Variants in FBXL17 observed in about 807,000 individuals in gnomAD.
FBXL17 encodes the protein F-box and leucine rich repeat protein 17, also known as F-box/LRR-repeat protein 17.
In FBXL17, 22 loss-of-function variants were observed where a neutral mutation model predicts 66.2. The observed-to-expected ratio is 0.33, with a 90% CI of 0.24 to 0.47. The LOEUF (loss-of-function observed/expected upper bound fraction) is 0.47, where lower values mean the gene tolerates loss of function less well. FBXL17 is among the 20% of genes least tolerant of loss of function. The probability of loss-of-function intolerance (pLI) is 1.00; values close to 1 mark genes in which losing one functional copy is unlikely to be tolerated. For missense variants in FBXL17, 878 were observed against 948.2 expected (o/e 0.93, Z 0.97); for synonymous variants, 474 against 400.5 (o/e 1.18, Z -2.19).
intron 5 of FBXL17, among the ~76,000 whole-genome samples, chr5:108,216,972 T>C (rs1245143325): frequency 6.6e-6 from 1 of 152,180 alleles, no homozygotes; most frequent in African/African-American, 2.4e-5. Flanking sequence ...AAGTTTCTTC[T>C]CCTTTTGTGG....
intron 4 of FBXL17, among the ~76,000 whole-genome samples, chr5:108,224,608 T>A (rs549731716): frequency 2.0e-5 from 3 of 152,166 alleles, no homozygotes; most frequent in Admixed American, 2.0e-4. Context: ...TTTTGTTTTG[T>A]TTTGACAGAG....
intron 4 of FBXL17, among the ~76,000 whole-genome samples, chr5:108,240,637 AC>A (rs1250609240): frequency 1.3e-5 from 2 of 152,150 alleles, no homozygotes; most frequent in Non-Finnish European, 2.9e-5. Flanking sequence ...GGAACTTGCC[AC>A]CCTGAAGGGA....
At chr5:108,102,678 T>C (rs1418813404) in intron 6 of FBXL17, among the ~76,000 whole-genome samples, 3 of 152,178 alleles carry the variant, frequency 2.0e-5, no homozygotes, top group South Asian at 2.1e-4. Context: ...AAGTTCACCA[T>C]TGCACAATGG....
intron 4 of FBXL17, among the ~76,000 whole-genome samples, chr5:108,335,043 T>C (rs1188040575): frequency 1.3e-5 from 2 of 152,210 alleles, no homozygotes; most frequent in African/African-American, 4.8e-5. Flanking sequence ...TCCACTAGTC[T>C]TGTTTAAATA....
chr5:108,091,426 T>C (rs1749184097), intron 6 of FBXL17, among the ~76,000 whole-genome samples: 1 of 152,264 alleles, frequency 6.6e-6, no homozygotes, highest in African/African-American at 2.4e-5. Context: ...CTGTTTTCTA[T>C]GTTGGTGTTG....
chr5:108,122,166 T>C (rs1214572452), intron 6 of FBXL17, among the ~76,000 whole-genome samples: 2 of 152,144 alleles, frequency 1.3e-5, no homozygotes, highest in African/African-American at 4.8e-5. Flanking sequence ...ACATAGTTTT[T>C]ATATAATTTA....
At position 108,207,335 on chromosome 5, in the gene FBXL17, T is replaced by C. The variant is rs150158136; in HGVS notation, c.1614+16786A>G. Among the ~76,000 whole-genome samples, 247 of 152,300 alleles carry C rather than the reference T, an allele frequency of 1.6e-3. 1 individual carries two copies. The highest frequency in any genetic ancestry group is 5.8e-3 in the African/African-American group (240 of 41,558). ...ACCAACAATTGATATGCAAGTGTTT[T>C]TTTTTTATTATACTTTAAGTTCTGG... On this transcript the variant is annotated intron_variant, in intron 5 of 8. Transcript: ENST00000542267.
intron 4 of FBXL17, among the ~76,000 whole-genome samples, chr5:108,268,653 C>T (rs969050159): frequency 2.0e-5 from 3 of 151,554 alleles, no homozygotes; most frequent in East Asian, 1.9e-4. Context: ...AGGAAAGAAA[C>T]GCATTTTCTT....
At chr5:108,270,877 C>T (rs1027607001) in intron 4 of FBXL17, among the ~76,000 whole-genome samples, 3 of 152,016 alleles carry the variant, frequency 2.0e-5, no homozygotes, top group African/African-American at 7.2e-5. Flanking sequence ...GGGAAAACCA[C>T]ATACACATAA....
intron 4 of FBXL17, among the ~76,000 whole-genome samples, chr5:108,306,483 G>A (rs1056911734): frequency 8.6e-5 from 13 of 152,012 alleles, no homozygotes; most frequent in African/African-American, 1.2e-4. Flanking sequence ...ATCTCCCTGA[G>A]CTTCAAGCTT....
intron 4 of FBXL17, among the ~76,000 whole-genome samples, chr5:108,321,689 A>G (rs902883799): frequency 1.3e-5 from 2 of 151,890 alleles, no homozygotes; most frequent in Non-Finnish European, 2.9e-5. Context: ...AAAAAACAAA[A>G]AAGTGGTAAA....
Position 108,164,074 on chromosome 5 carries a change from G to A in FBXL17, c.1745+22043C>T, listed in dbSNP as rs182316879. Among the ~76,000 whole-genome samples the A allele has an allele frequency of 4.9e-4, 74 of 152,262 alleles. 1 individual carries two copies. The South Asian group carries it at 0.013, about 27-fold the overall frequency. On this transcript the variant is annotated intron_variant, in intron 6 of 8. Coordinates refer to ENST00000542267, the MANE Select transcript of FBXL17 (RefSeq NM_001163315.3). ...CTAAATCAAACTATAAAATTACTCC[G>A]AAACAGAACAAATGAGCAAAGATGC...
At chr5:108,225,065 C>T (rs920736224) in intron 4 of FBXL17, among the ~76,000 whole-genome samples, 13 of 152,138 alleles carry the variant, frequency 8.5e-5, no homozygotes, top group African/African-American at 3.1e-4. Context: ...CCCCCAAAGA[C>T]CCCATGCCCA....
At chr5:108,283,988 T>C (rs1487722676) in intron 4 of FBXL17, among the ~76,000 whole-genome samples, 2 of 151,980 alleles carry the variant, frequency 1.3e-5, no homozygotes, top group Non-Finnish European at 1.5e-5. Flanking sequence ...TGCGATGAGA[T>C]GTCATCTTAC....
chr5:108,018,073 C>G (rs1488107988), intron 7 of FBXL17, among the ~76,000 whole-genome samples: 1 of 151,938 alleles, frequency 6.6e-6, no homozygotes, highest in East Asian at 1.9e-4. Context: ...TCTCAGTATA[C>G]TGTACTAAAA....
chr5:108,129,099 A>T lies in FBXL17; in HGVS notation c.1745+57018T>A, dbSNP rs191327644. On this transcript the variant is annotated intron_variant, in intron 6 of 8. Transcript: ENST00000542267. ...AACTCATTCAACAGTCTTGACTATC[A>T]TTAGTGGAAAATCTGAATTTAAGTA... Among the ~76,000 whole-genome samples the T allele has an allele frequency of 9.2e-5, 14 of 152,294 alleles. No individual in the cohort carries two copies. The East Asian group carries it at 2.7e-3, about 29-fold the overall frequency.
chr5:108,000,367 G>A (rs1275329638), intron 7 of FBXL17, among the ~76,000 whole-genome samples: 4 of 152,134 alleles, frequency 2.6e-5, no homozygotes, highest in Non-Finnish European at 1.5e-5. Flanking sequence ...GGGAGAAGAT[G>A]AAGACAGGTT....
chr5:108,094,432 C>T (rs529642477), intron 6 of FBXL17, among the ~76,000 whole-genome samples: 1 of 152,188 alleles, frequency 6.6e-6, no homozygotes, highest in East Asian at 1.9e-4. Flanking sequence ...GTGTTGAACA[C>T]CATGTAACCA....
At chr5:107,868,165 G>C (rs973294598) in intron 8 of FBXL17, among the ~76,000 whole-genome samples, 8 of 152,176 alleles carry the variant, frequency 5.3e-5, no homozygotes, top group African/African-American at 1.9e-4. Context: ...TTTGAATTCA[G>C]GACCCCAGCA....
Sources: gnomAD v4.1 joint callset for allele counts (sites outside exome capture counted in the v4.1 genomes callset) on GRCh38, gnomAD v4.1.1 for gene constraint, MANE v1.5 for transcripts, NCBI Gene and HGNC (gene_info 2026-07-23, HGNC 2026-07-21) for gene names.